COL11A1: variants seen among roughly 807,000 people sequenced by gnomAD.
COL11A1 encodes collagen type XI alpha 1 chain, also known as collagen alpha-1(XI) chain.
A neutral mutation model predicts 265.2 loss-of-function variants in COL11A1; 74 were observed. The ratio of observed to expected loss-of-function variants is 0.28; its 90% CI spans 0.23 to 0.34. The LOEUF is 0.34. Ranked by LOEUF, COL11A1 falls within the 10% of genes least tolerant of loss-of-function variation. COL11A1 has a pLI of 1.00. For missense variants in COL11A1, 2,165 were observed against 2,263.6 expected, an observed-to-expected ratio of 0.96 and a Z score of 0.88; for synonymous variants, 816 against 727.6, an observed-to-expected ratio of 1.12 and a Z score of -1.96.
intron 1 of COL11A1, among the ~76,000 whole-genome samples, chr1:103,086,699 A>G (rs1045824630): frequency 1.3e-5 from 2 of 151,978 alleles, no homozygotes; most frequent in Admixed American, 1.3e-4. Context: ...TACAGGCGTG[A>G]GCCACCGCGC....
intron 4 of COL11A1, among the ~76,000 whole-genome samples, chr1:103,040,350 T>C (rs571478142): frequency 6.6e-6 from 1 of 151,560 alleles, no homozygotes; most frequent in East Asian, 1.9e-4. Context: ...TCTCAAAATA[T>C]ATATTAAAGT....
Position 102,877,475 on chromosome 1 carries a change from G to T in COL11A1, c.*544C>A, listed in dbSNP as rs1649634853. The T allele has an allele frequency of 6.6e-6, 1 of 152,634 alleles. No homozygotes were observed. Among genetic ancestry groups the T allele is most frequent in the African/African-American group, 2.4e-5 (1 of 41,370 alleles). The allele number at this position is 152,634 out of a possible 1,614,324, so 9.5% of individuals were successfully genotyped here. ...CATTTTATTATTAACCAAAGAAAGG[G>T]ACTTAGAGTCATCAGAAATTACAAC... On this transcript the variant is annotated 3_prime_UTR_variant, in exon 67 of 67. Coordinates refer to ENST00000370096, the MANE Select transcript of COL11A1 (RefSeq NM_001854.4).
chr1:102,981,945 A>C (rs1285959986), intron 31 of COL11A1, among the ~76,000 whole-genome samples: 1 of 151,788 alleles, frequency 6.6e-6, no homozygotes, highest in African/African-American at 2.4e-5. Flanking sequence ...GAGACTGGTA[A>C]AGGCATTTCA....
intron 49 of COL11A1, among the ~76,000 whole-genome samples, chr1:102,917,229 A>C (rs1013002194): frequency 6.6e-6 from 1 of 151,928 alleles, no homozygotes; most frequent in African/African-American, 2.4e-5. Context: ...TGACAAAAAC[A>C]AAAAGGAAAA....
At position 103,077,796 on chromosome 1, in the gene COL11A1, C is replaced by T. The variant is rs571400117; in HGVS notation, c.488+862G>A. Among the ~76,000 whole-genome samples, 691 of 152,154 alleles carry T rather than the reference C, an allele frequency of 4.5e-3. 7 individuals carry two copies. Among genetic ancestry groups the T allele is most frequent in the African/African-American group, 0.016 (654 of 41,530 alleles). On this transcript the variant is annotated intron_variant, in intron 3 of 66. Transcript: ENST00000370096. Reference sequence around the variant, plus strand: ...GAATTCGACATGATTTGCAAAAGAGCGCAGTGCAAGCCTGACTTCCTGAGT... The same window carrying T: ...GAATTCGACATGATTTGCAAAAGAGTGCAGTGCAAGCCTGACTTCCTGAGT...
intron 36 of COL11A1, 21 bp downstream of exon 36, chr1:102,974,809 A>G (rs1322675393): frequency 1.3e-6 from 2 of 1,599,378 alleles, no homozygotes; most frequent in African/African-American, 2.7e-5. Context: ...AAGAAAGAGA[A>G]AGAGAAGCTC....
In COL11A1 at chr1:103,108,450, A is replaced by G. The variant is rs1262410063; in HGVS notation, c.-272T>C. ...TCCTCTGCCGGGCCCTGCCTTCAGA[A>G]TGAAGGCAGATGAGGGGCTTCCACC... On this transcript the variant is annotated 5_prime_UTR_variant, in exon 1 of 67. Transcript: ENST00000370096. The G allele has an allele frequency of 2.2e-5, 13 of 600,014 alleles. No individual in the cohort carries two copies. The African/African-American group carries it at 2.4e-4, about 11-fold the overall frequency. The allele number at this position is 600,014 out of a possible 1,614,324, so 37.2% of individuals were successfully genotyped here.
chr1:103,086,320 G>GA (rs36000087), intron 1 of COL11A1, among the ~76,000 whole-genome samples: 76,754 of 151,042 alleles, frequency 0.51, 22,065 homozygotes, highest in East Asian at 0.91. Flanking sequence ...TTCTGAAAAG[G>GA]AAAACAAAAT....
At chr1:102,967,816 C>T (rs930476399) in intron 37 of COL11A1, among the ~76,000 whole-genome samples, 1 of 152,098 alleles carries the variant, frequency 6.6e-6, no homozygotes, top group African/African-American at 2.4e-5. Context: ...TTTTGTCTTA[C>T]TAACTGTGAG....
chr1:102,948,099 C>A (rs539704691), intron 41 of COL11A1, among the ~76,000 whole-genome samples: 1 of 151,894 alleles, frequency 6.6e-6, no homozygotes, highest in South Asian at 2.1e-4. Context: ...TTTTATTATA[C>A]AAATTTACAT....
In COL11A1 at chr1:102,881,720, T is replaced by G. The variant is rs1222967794; in HGVS notation, c.5017A>C (p.Ser1673Arg). The change falls in exon 65 of 67, where the codon AGT becomes CGT. Residue 1673 changes from serine (S) to arginine (R), a missense_variant. Transcript: ENST00000370096. Reference sequence around the variant, plus strand: ...ACCAGTTTTCCCCTCTTAAATTCACTAAACCAACTTCCTGGTTTCTCCTTT... The same window carrying G: ...ACCAGTTTTCCCCTCTTAAATTCACGAAACCAACTTCCTGGTTTCTCCTTT... Reference protein sequence around the residue: ...WPKEKPGSWFSEFKRGKLLSY... With the variant: ...WPKEKPGSWFREFKRGKLLSY... The G allele has an allele frequency of 6.2e-7, 1 of 1,612,456 alleles. No individual in the cohort carries two copies. Among genetic ancestry groups the G allele is most frequent in the Non-Finnish European group, 8.5e-7 (1 of 1,179,082 alleles).
rs1168639483 is a variant in COL11A1, at chr1:103,108,385, C to G, written c.-207G>C. On this transcript the variant is annotated 5_prime_UTR_variant, in exon 1 of 67. Coordinates refer to ENST00000370096, the MANE Select transcript of COL11A1 (RefSeq NM_001854.4). ...CCCTTTCCTCTCCCTCTGAGTTGGCCCCACCGGCCGGGACCCTCCGGCCGC... is the reference window on the plus strand; with the variant it reads ...CCCTTTCCTCTCCCTCTGAGTTGGCGCCACCGGCCGGGACCCTCCGGCCGC... 6.4e-6 allele frequency: 4 copies of G among 627,726 alleles called. No homozygotes were observed. Among genetic ancestry groups the G allele is most frequent in the Non-Finnish European group, 1.1e-5 (4 of 348,950 alleles). 38.9% of individuals were successfully genotyped at this position (627,726 alleles called of 1,614,324 possible). A position where few individuals can be genotyped will look rare whatever the true frequency, so the allele number is the denominator to read the frequency against.
At chr1:103,040,813 C>T (rs1668752429) in intron 4 of COL11A1, among the ~76,000 whole-genome samples, 1 of 151,344 alleles carries the variant, frequency 6.6e-6, no homozygotes. Context: ...TAACTTTTAT[C>T]ATACATTTTA....
At chr1:102,898,909 T>A in intron 55 of COL11A1, 32 bp downstream of exon 55, 1 of 1,086,848 alleles carries the variant, frequency 9.2e-7, no homozygotes, top group Non-Finnish European at 1.3e-6. Flanking sequence ...TAATATATAA[T>A]ATATATTATG....
intron 1 of COL11A1, among the ~76,000 whole-genome samples, chr1:103,088,892 G>C (rs553494767): frequency 6.6e-6 from 1 of 152,240 alleles, no homozygotes; most frequent in South Asian, 2.1e-4. Flanking sequence ...TGGCTGCTGA[G>C]GACCACTGGA....
intron 41 of COL11A1, among the ~76,000 whole-genome samples, chr1:102,958,528 G>A (rs528262345): frequency 7.2e-5 from 11 of 151,966 alleles, no homozygotes; most frequent in African/African-American, 2.4e-4. Flanking sequence ...ACTAAGGCTC[G>A]CTCAGCACTT....
At chr1:103,105,881 C>T (rs1386378949) in intron 1 of COL11A1, among the ~76,000 whole-genome samples, 2 of 151,968 alleles carry the variant, frequency 1.3e-5, no homozygotes, top group Admixed American at 6.6e-5. Flanking sequence ...TAATATGTGG[C>T]CTCCCAGGAA....
At chr1:103,040,945 A>C (rs952142372) in intron 4 of COL11A1, among the ~76,000 whole-genome samples, 1 of 151,742 alleles carries the variant, frequency 6.6e-6, no homozygotes, top group Non-Finnish European at 1.5e-5. Context: ...CTCAATTTGA[A>C]TGCTAATTAT....
At chr1:103,002,207 G>T (rs1253050580) in intron 23 of COL11A1, among the ~76,000 whole-genome samples, 2 of 152,098 alleles carry the variant, frequency 1.3e-5, no homozygotes, top group African/African-American at 4.8e-5. Flanking sequence ...ATTAGTCCTG[G>T]CATTCCCTAA....
Sources: gnomAD v4.1 joint callset for allele counts (sites outside exome capture counted in the v4.1 genomes callset) on GRCh38, gnomAD v4.1.1 for gene constraint, MANE v1.5 for transcripts, NCBI Gene and HGNC (gene_info 2026-07-23, HGNC 2026-07-21) for gene names.